XPO4: variants seen among roughly 807,000 people sequenced by gnomAD.
XPO4 encodes the protein exportin 4, also known as exportin-4.
In XPO4, 39 loss-of-function variants were observed where a neutral mutation model predicts 143.0. That is an observed-to-expected ratio of 0.27 (90% CI 0.21 to 0.36). The LOEUF (loss-of-function observed/expected upper bound fraction) is 0.36, where lower values mean the gene tolerates loss of function less well. Ranked by LOEUF, XPO4 falls within the 10% of genes least tolerant of loss-of-function variation. XPO4 has a pLI of 1.00. For synonymous variants in XPO4, 439 were observed against 474.0 expected (o/e 0.93, Z 0.96); for missense variants, 907 against 1,348.0 (o/e 0.67, Z 5.12).
chr13:20,858,422 G>A (rs182804954), intron 3 of XPO4, among the ~76,000 whole-genome samples: 12 of 152,234 alleles, frequency 7.9e-5, no homozygotes, highest in African/African-American at 2.9e-4. Context: ...CTCTCGAATA[G>A]TTAAGGGTAA....
At chr13:20,839,308 T>C (rs1426355569) in intron 6 of XPO4, among the ~76,000 whole-genome samples, 4 of 152,150 alleles carry the variant, frequency 2.6e-5, no homozygotes, top group Non-Finnish European at 5.9e-5. Flanking sequence ...ATGATTCCAT[T>C]TATACGCTAT....
intron 1 of XPO4, among the ~76,000 whole-genome samples, chr13:20,894,481 C>T (rs1162411226): frequency 6.6e-6 from 1 of 152,178 alleles, no homozygotes; most frequent in Admixed American, 6.5e-5. Flanking sequence ...AACCATGATA[C>T]AGCTTTGAAC....
At chr13:20,786,140 A>C (rs2059202393) in intron 22 of XPO4, among the ~76,000 whole-genome samples, 1 of 152,100 alleles carries the variant, frequency 6.6e-6, no homozygotes, top group Non-Finnish European at 1.5e-5. Context: ...CAAGAAATGA[A>C]GCCCCAGGGC....
At chr13:20,857,974 A>C in intron 3 of XPO4, 1 of 985,322 alleles carries the variant, frequency 1.0e-6, no homozygotes, top group Non-Finnish European at 1.2e-6. Flanking sequence ...GTAATAGTCT[A>C]CTACATAGCC....
chr13:20,794,029 C>T (rs558978412), intron 18 of XPO4, among the ~76,000 whole-genome samples: 1 of 152,272 alleles, frequency 6.6e-6, no homozygotes, highest in Non-Finnish European at 1.5e-5. Context: ...GGCCACAGCT[C>T]CACAATCATT....
In XPO4 at chr13:20,803,088, T is replaced by G. The variant is rs190240422; in HGVS notation, c.1818-2098A>C. On this transcript the variant is annotated intron_variant, in intron 13 of 22. Transcript: ENST00000255305. This position sits in a 1 kb window ranked among gnomAD's most constrained non-coding sequence, Gnocchi z 4.1. ...AATAGATATAAGTACTGAGAAAACT[T>G]CATATAAGTAGAACCTATTTTTAAA... Among the ~76,000 whole-genome samples the G allele has an allele frequency of 8.7e-4, 133 of 152,310 alleles. 1 individual carries two copies. Among genetic ancestry groups the G allele is most frequent in the Non-Finnish European group, 1.5e-3 (104 of 68,018 alleles).
Position 20,792,583 on chromosome 13 carries a change from A to C in XPO4, c.2798-2003T>G, listed in dbSNP as rs57277469. Reference sequence around the variant, plus strand: ...GACGCTGTCTCAAAAACAAACAAACAAATAAACAAACAAATTAGCCAGGCC... The same window carrying C: ...GACGCTGTCTCAAAAACAAACAAACCAATAAACAAACAAATTAGCCAGGCC... On this transcript the variant is annotated intron_variant, in intron 18 of 22. Coordinates refer to ENST00000255305, the MANE Select transcript of XPO4 (RefSeq NM_022459.5). Among the ~76,000 whole-genome samples, 770 of 140,808 alleles carry C rather than the reference A, an allele frequency of 5.5e-3. 9 individuals carry two copies. The highest frequency in any genetic ancestry group is 0.023 in the African/African-American group (720 of 31,352). 92.4% of individuals were successfully genotyped at this position (140,808 alleles called of 152,430 possible). A position where few individuals can be genotyped will look rare whatever the true frequency, so the allele number is the denominator to read the frequency against.
At chr13:20,791,676 T>C (rs929115323) in intron 18 of XPO4, among the ~76,000 whole-genome samples, 1 of 152,050 alleles carries the variant, frequency 6.6e-6, no homozygotes, top group East Asian at 1.9e-4. Flanking sequence ...ACAAAGAAAA[T>C]TGGACAAAAA....
intron 16 of XPO4, 120 bp from the exon 17 acceptor site, chr13:20,797,177 C>G (rs897214453): frequency 3.1e-6 from 3 of 983,502 alleles, no homozygotes; most frequent in African/African-American, 3.3e-5. Flanking sequence ...AAGCACATAA[C>G]AAAGAATATC....
chr13:20,800,934 T>A lies in XPO4; in HGVS notation c.1874A>T (p.Asp625Val). The change falls in exon 14 of 23, where the codon GAT (aspartate) becomes GTT (valine). Residue 625 changes from aspartate to valine, a missense_variant. Transcript: ENST00000255305. ...SEVESRAIRADLTHLLSPQMG... is the reference protein window; with the variant it reads ...SEVESRAIRAVLTHLLSPQMG... Reference sequence around the variant, plus strand: ...CTGGGGACTTAGTAGATGAGTGAGATCTGCTCTTATTGCTCGAGATTCAAC... The same window carrying A: ...CTGGGGACTTAGTAGATGAGTGAGAACTGCTCTTATTGCTCGAGATTCAAC... 6.2e-7 allele frequency: 1 copy of A among 1,614,038 alleles called. No individual in the cohort carries two copies. Among genetic ancestry groups the A allele is most frequent in the Non-Finnish European group, 8.5e-7 (1 of 1,179,974 alleles).
chr13:20,783,650 G>T lies in XPO4; in HGVS notation c.*72C>A. 2 of 1,526,042 alleles carry T rather than the reference G, an allele frequency of 1.3e-6. No homozygotes were observed. The highest frequency in any genetic ancestry group is 1.1e-5 in the South Asian group (1 of 87,866). 94.5% of individuals were successfully genotyped at this position (1,526,042 alleles called of 1,614,324 possible). On this transcript the variant is annotated 3_prime_UTR_variant, in exon 23 of 23. Transcript: ENST00000255305. ...CCAAATGAACTGAGGAATAGGACAA[G>T]ACTCAAGTCAACTTTCAGCAATTCA...
chr13:20,830,645 G>A (rs2585899), intron 6 of XPO4, among the ~76,000 whole-genome samples: 125,244 of 152,182 alleles, frequency 0.82, 51,695 homozygotes, highest in East Asian at 1. Flanking sequence ...TAAAAAACAT[G>A]AAACAAAAAG....
chr13:20,854,253 G>A (rs1010465677), intron 4 of XPO4, among the ~76,000 whole-genome samples: 2 of 152,186 alleles, frequency 1.3e-5, no homozygotes, highest in African/African-American at 2.4e-5. Context: ...ATCAGTCTGC[G>A]GTCCTAAGCA....
intron 22 of XPO4, among the ~76,000 whole-genome samples, chr13:20,785,584 G>A (rs543494602): frequency 6.6e-6 from 1 of 151,882 alleles, no homozygotes; most frequent in East Asian, 1.9e-4. Context: ...AGGATTGCTT[G>A]AGGCCAGGAG....
intron 6 of XPO4, among the ~76,000 whole-genome samples, chr13:20,837,422 CAG>C (rs950376641): frequency 2.0e-5 from 3 of 151,718 alleles, no homozygotes; most frequent in African/African-American, 7.3e-5. Context: ...TTTTTAGAGA[CAG>C]AGTCTCACTC....
intron 1 of XPO4, chr13:20,879,445 A>T: frequency 2.0e-6 from 1 of 493,312 alleles, no homozygotes; most frequent in Non-Finnish European, 2.6e-6. Context: ...TCACAACAGG[A>T]CCCATGTTGT....
chr13:20,812,793 G>A (rs1247332129), intron 9 of XPO4, among the ~76,000 whole-genome samples: 1 of 152,138 alleles, frequency 6.6e-6, no homozygotes, highest in Non-Finnish European at 1.5e-5. Flanking sequence ...AAGGCACATG[G>A]AAACTCTCTG....
chr13:20,862,618 A>C (rs2060212143), intron 3 of XPO4, 99 bp downstream of exon 3: 1 of 1,475,496 alleles, frequency 6.8e-7, no homozygotes. Context: ...GAGCCACTAT[A>C]CCCACCCAAA....
chr13:20,870,088 T>TC (rs2060280636), intron 1 of XPO4, among the ~76,000 whole-genome samples: 1 of 32,302 alleles, frequency 3.1e-5, no homozygotes, highest in Non-Finnish European at 5.5e-5. Flanking sequence ...TGAAGGAGTC[T>TC]CAAAAAAAAA....
Sources: allele counts gnomAD v4.1 joint callset (sites outside exome capture counted in the v4.1 genomes callset), GRCh38; gene constraint gnomAD v4.1.1; non-coding constraint Gnocchi (gnomAD v3.1); transcripts MANE v1.5; gene names NCBI Gene and HGNC (gene_info 2026-07-23, HGNC 2026-07-21).